ERMP1: variants seen among roughly 807,000 people sequenced by gnomAD.
The protein encoded by ERMP1 is endoplasmic reticulum metallopeptidase 1, also known as Felix-ina.
A neutral mutation model predicts 92.0 loss-of-function variants in ERMP1; 86 were observed. The ratio of observed to expected loss-of-function variants is 0.93; its 90% CI spans 0.79 to 1.12. ERMP1 has a LOEUF of 1.12. Ranked by LOEUF, ERMP1 falls within the 50% of genes most tolerant of loss-of-function variation. ERMP1 has a pLI of 0.00. For missense variants in ERMP1, 1,342 were observed against 1,116.3 expected (o/e 1.20, Z -2.88); for synonymous variants, 530 against 412.8 (o/e 1.28, Z -3.44).
At chr9:5,797,675 C>T in intron 13 of ERMP1, 142 bp downstream of exon 13, 1 of 619,774 alleles carries the variant, frequency 1.6e-6, no homozygotes, top group South Asian at 2.0e-5. Context: ...AAGTCATAAC[C>T]AGCTTCAATT....
chr9:5,811,034 T>C lies in ERMP1; in HGVS notation c.1327+77A>G, dbSNP rs560750327. The C allele has an allele frequency of 1.6e-5, 16 of 991,114 alleles. No homozygotes were observed. The African/African-American group carries it at 2.1e-4, about 13-fold the overall frequency. The allele number at this position is 991,114 out of a possible 1,614,324, so 61.4% of individuals were successfully genotyped here. ...AGATTTTTAGCTTTCTGGGAAGATA[T>C]AAACAAACTGACTGAAAAACTTCAA... is the stretch of plus-strand genomic sequence containing the variant. On this transcript the variant is annotated intron_variant, in intron 7 of 14. Transcript: ENST00000339450.
In ERMP1 at chr9:5,785,715, G is replaced by A. The variant is rs188874855; in HGVS notation, c.*1429C>T. The A allele has an allele frequency of 5.2e-4, 80 of 152,826 alleles. No homozygotes were observed. The highest frequency in any genetic ancestry group is 1.9e-3 in the African/African-American group (78 of 41,578). 9.5% of individuals were successfully genotyped at this position (152,826 alleles called of 1,614,324 possible). ...CTCTTTCTATTCAGACAGATCCACA[G>A]ACCACCTTTCAAGAGCATTCCTCTC... On this transcript the variant is annotated 3_prime_UTR_variant, in exon 15 of 15. Transcript: ENST00000339450.
intron 5 of ERMP1, among the ~76,000 whole-genome samples, chr9:5,866,083 G>T (rs966145973): frequency 9.2e-5 from 14 of 151,948 alleles, no homozygotes; most frequent in African/African-American, 3.1e-4. Flanking sequence ...TGTGATTGTT[G>T]TACGGTAGAA....
intron 3 of ERMP1, among the ~76,000 whole-genome samples, chr9:5,824,877 A>T (rs1303804861): frequency 6.6e-6 from 1 of 152,180 alleles, no homozygotes; most frequent in Non-Finnish European, 1.5e-5. Flanking sequence ...CTGCCACAAT[A>T]ATCTGCTAAG....
intron 13 of ERMP1, 80 bp from the exon 14 acceptor site, chr9:5,787,673 A>G: frequency 7.2e-7 from 1 of 1,383,432 alleles, no homozygotes; most frequent in Non-Finnish European, 9.9e-7. Flanking sequence ...ACCAGACTTC[A>G]TAAAGGTTCA....
At chr9:5,823,639 G>C (rs1005114157) in intron 4 of ERMP1, among the ~76,000 whole-genome samples, 16 of 152,138 alleles carry the variant, frequency 1.1e-4, no homozygotes, top group East Asian at 5.8e-4. Flanking sequence ...CTTACATGTT[G>C]TTTGGAGGAT....
At position 5,787,639 on chromosome 9, in the gene ERMP1, T is replaced by A. The variant is rs1386931616; in HGVS notation, c.2387-46A>T. 3.2e-6 allele frequency: 5 copies of A among 1,566,228 alleles called. No homozygotes were observed. In the South Asian group the frequency reaches 3.5e-5, roughly 11 times the overall value. On this transcript the variant is annotated intron_variant, in intron 13 of 14. Coordinates refer to ENST00000339450, the MANE Select transcript of ERMP1 (RefSeq NM_024896.3). ...AGAACAGTTAATCTTTTTAAAAGGA[T>A]CAAAAAAATAACCCACAATCCAAAC... is the stretch of plus-strand genomic sequence containing the variant.
intron 3 of ERMP1, 82 bp from the exon 4 acceptor site, chr9:5,824,083 T>A: frequency 9.8e-7 from 1 of 1,019,566 alleles, no homozygotes; most frequent in Non-Finnish European, 1.5e-6. Context: ...ACAGAGAGAC[T>A]ACTTTGATGA....
At chr9:5,863,599 A>G (rs1412385009) in intron 5 of ERMP1, among the ~76,000 whole-genome samples, 2 of 152,172 alleles carry the variant, frequency 1.3e-5, no homozygotes, top group South Asian at 2.1e-4. Flanking sequence ...GTGCAGTTAC[A>G]TATCAACAAG....
upstream of ERMP1, among the ~76,000 whole-genome samples, chr9:5,837,525 C>G (rs139546345): frequency 5.6e-3 from 855 of 152,084 alleles, 13 homozygotes; most frequent in African/African-American, 0.02. Context: ...ATTGGCTACA[C>G]AAAATTAAAA....
intron 13 of ERMP1, among the ~76,000 whole-genome samples, chr9:5,789,665 T>G (rs1237490132): frequency 6.6e-6 from 1 of 152,052 alleles, no homozygotes; most frequent in Non-Finnish European, 1.5e-5. Flanking sequence ...AACAGCCCAC[T>G]GCTCTGTCAC....
intron 6 of ERMP1, among the ~76,000 whole-genome samples, chr9:5,843,280 AT>A (rs1009119215): frequency 6.6e-6 from 1 of 152,190 alleles, no homozygotes; most frequent in Non-Finnish European, 1.5e-5. Context: ...CAAATCTGCT[AT>A]TTTTTCAAGA....
At chr9:5,814,640 G>T (rs182232553) in intron 4 of ERMP1, among the ~76,000 whole-genome samples, 1 of 152,198 alleles carries the variant, frequency 6.6e-6, no homozygotes, top group Non-Finnish European at 1.5e-5. Context: ...TGAGGCAGGA[G>T]AATTGCTTAG....
chr9:5,814,069 A>C (rs949006452), intron 4 of ERMP1, among the ~76,000 whole-genome samples: 1 of 152,100 alleles, frequency 6.6e-6, no homozygotes, highest in Non-Finnish European at 1.5e-5. Context: ...TAGCCAACAG[A>C]CTGTGAGGAG....
Position 5,850,158 on chromosome 9 carries a change from G to A in ERMP1, n.3199+9310C>T, listed in dbSNP as rs562639505. On this transcript the variant is annotated intron_variant and non_coding_transcript_variant, in intron 6 of 6. Coordinates refer to the ERMP1 transcript ENST00000690753. ...GACTAGTGTGACTCTGTGGATCATC[G>A]GCATCAGAATTACCCTGAGTGCTTG... 1.1e-4 allele frequency among the ~76,000 whole-genome samples: 17 copies of A among 152,002 alleles called. No homozygotes were observed. The South Asian group carries it at 3.5e-3, about 32-fold the overall frequency.
At chr9:5,838,347 G>C (rs1400142666) in intron 6 of ERMP1, among the ~76,000 whole-genome samples, 2 of 151,950 alleles carry the variant, frequency 1.3e-5, no homozygotes, top group Non-Finnish European at 2.9e-5. Context: ...TTTGAGACCA[G>C]CCTGGGCAAC....
upstream of ERMP1, among the ~76,000 whole-genome samples, chr9:5,836,314 G>C (rs1322752807): frequency 6.6e-6 from 1 of 152,212 alleles, no homozygotes; most frequent in Admixed American, 6.5e-5. Flanking sequence ...AGTGTATCTG[G>C]TGAAGTTCTC....
intron 11 of ERMP1, among the ~76,000 whole-genome samples, chr9:5,800,834 T>G (rs1429634456): frequency 6.6e-6 from 1 of 152,246 alleles, no homozygotes; most frequent in East Asian, 1.9e-4. Context: ...GTTTAGATTT[T>G]ACTCAGCCTG....
At chr9:5,790,786 T>C (rs1278956358) in intron 13 of ERMP1, among the ~76,000 whole-genome samples, 1 of 152,202 alleles carries the variant, frequency 6.6e-6, no homozygotes, top group Non-Finnish European at 1.5e-5. Flanking sequence ...AGGAGGCGTA[T>C]AGAAGATATA....
Sources: gnomAD v4.1 joint callset for allele counts (sites outside exome capture counted in the v4.1 genomes callset) on GRCh38, gnomAD v4.1.1 for gene constraint, MANE v1.5 for transcripts, NCBI Gene and HGNC (gene_info 2026-07-23, HGNC 2026-07-21) for gene names.